The following SLC9A9 variants were observed in gnomAD, a reference collection of about 807,000 sequenced individuals.
SLC9A9 encodes solute carrier family 9 member A9, also known as sodium/hydrogen exchanger 9.
In SLC9A9, 62 loss-of-function variants were observed where a neutral mutation model predicts 77.8. The ratio of observed to expected loss-of-function variants is 0.80; its 90% CI spans 0.65 to 0.98. SLC9A9 has a LOEUF of 0.98. SLC9A9 is among the 50% of genes least tolerant of loss of function. The pLI is 0.00. For synonymous variants in SLC9A9, 320 were observed against 283.5 expected (o/e 1.13, Z -1.29); for missense variants, 775 against 774.9 (o/e 1.00, Z 0.00).
chr3:143,400,811 G>C (rs928440106), intron 12 of SLC9A9, among the ~76,000 whole-genome samples: 1 of 151,574 alleles, frequency 6.6e-6, no homozygotes, highest in Admixed American at 6.6e-5. Flanking sequence ...GCCAAGACTA[G>C]AGTTAGGCAA....
rs140565040 is a variant in SLC9A9 at position 143,468,624 on chromosome 3, T to C, written c.1316-1434A>G. Among the ~76,000 whole-genome samples, 378 of 152,322 alleles carry C rather than the reference T, an allele frequency of 2.5e-3. 1 individual carries two copies. Among genetic ancestry groups the C allele is most frequent in the African/African-American group, 8.5e-3 (353 of 41,580 alleles). ...GGCTGTATATACAAAAGAAACTTTC[T>C]GGGAACAATTACTTTTTAAAAATCA... On this transcript the variant is annotated intron_variant, in intron 11 of 15. Coordinates refer to ENST00000316549, the MANE Select transcript of SLC9A9 (RefSeq NM_173653.4).
At chr3:143,315,650 CA>C (rs2108441283) in intron 14 of SLC9A9, among the ~76,000 whole-genome samples, 1 of 152,272 alleles carries the variant, frequency 6.6e-6, no homozygotes, top group East Asian at 1.9e-4. Context: ...AATCAAGACC[CA>C]GGGGGTTGTA....
chr3:143,451,981 T>TA (rs2035015591), intron 12 of SLC9A9, among the ~76,000 whole-genome samples: 1 of 151,964 alleles, frequency 6.6e-6, no homozygotes. Context: ...ACACATCTAG[T>TA]AAAAATATAG....
rs145110967 is a variant in SLC9A9, at chr3:143,726,394, T to G, written c.534-33087A>C. 7.2e-5 allele frequency among the ~76,000 whole-genome samples: 11 copies of G among 152,246 alleles called. No individual in the cohort carries two copies. The East Asian group carries it at 2.1e-3, about 29-fold the overall frequency. On this transcript the variant is annotated intron_variant, in intron 4 of 15. Transcript: ENST00000316549. ...TGATTGACATGGTATTTAAATGAGATATAAGTTTGTTGGAATGCCTCTAAC... is the reference window on the plus strand; with the variant it reads ...TGATTGACATGGTATTTAAATGAGAGATAAGTTTGTTGGAATGCCTCTAAC...
At chr3:143,807,702 G>A (rs141719416) in intron 2 of SLC9A9, among the ~76,000 whole-genome samples, 184 of 152,298 alleles carry the variant, frequency 1.2e-3, no homozygotes, top group African/African-American at 4.2e-3. Flanking sequence ...CCGAGATGGC[G>A]CCATTGCACT....
chr3:143,691,978 T>C (rs1345170932), intron 5 of SLC9A9, among the ~76,000 whole-genome samples: 3 of 152,064 alleles, frequency 2.0e-5, no homozygotes, highest in Non-Finnish European at 4.4e-5. Flanking sequence ...CCAATCACTA[T>C]TTGCCTCTGG....
chr3:143,805,800 G>A (rs537740639), intron 2 of SLC9A9, among the ~76,000 whole-genome samples: 14 of 151,840 alleles, frequency 9.2e-5, no homozygotes, highest in South Asian at 8.3e-4. Context: ...CCTATAAAAC[G>A]GCCCCACCCC....
chr3:143,706,150 C>T (rs1473769065), intron 4 of SLC9A9, among the ~76,000 whole-genome samples: 2 of 152,180 alleles, frequency 1.3e-5, no homozygotes, highest in African/African-American at 4.8e-5. Flanking sequence ...AAAATCTGTC[C>T]TACCGTAGGT....
At chr3:143,536,687 T>C (rs1177780884) in intron 9 of SLC9A9, among the ~76,000 whole-genome samples, 1 of 152,206 alleles carries the variant, frequency 6.6e-6, no homozygotes, top group East Asian at 1.9e-4. Context: ...GAATACTTAT[T>C]TGGGTAATGT....
chr3:143,796,049 G>A (rs1162026488), intron 3 of SLC9A9, among the ~76,000 whole-genome samples: 1 of 152,184 alleles, frequency 6.6e-6, no homozygotes, highest in African/African-American at 2.4e-5. Flanking sequence ...TAGAGTGGGA[G>A]CTGAGCAGCA....
At chr3:143,419,507 C>T (rs77021496) in intron 12 of SLC9A9, among the ~76,000 whole-genome samples, 6,344 of 152,238 alleles carry the variant, frequency 0.042, 170 homozygotes, top group South Asian at 0.086. Context: ...CTACCTCTAA[C>T]GGTGCTATCT....
chr3:143,707,700 G>A (rs532697027), intron 4 of SLC9A9, among the ~76,000 whole-genome samples: 11 of 152,230 alleles, frequency 7.2e-5, no homozygotes, highest in Admixed American at 3.9e-4. Flanking sequence ...GGAAAACATC[G>A]TGTCTTTCAC....
At chr3:143,691,071 A>T (rs950851232) in intron 5 of SLC9A9, among the ~76,000 whole-genome samples, 1 of 152,104 alleles carries the variant, frequency 6.6e-6, no homozygotes, top group Admixed American at 6.6e-5. Flanking sequence ...AAATTCTAGC[A>T]TCTGATACTT....
intron 14 of SLC9A9, among the ~76,000 whole-genome samples, chr3:143,316,644 G>A (rs558020985): frequency 1.4e-3 from 219 of 152,240 alleles, no homozygotes; most frequent in African/African-American, 5.1e-3. Flanking sequence ...ACGTAAATAT[G>A]AAATAATGCA....
At chr3:143,271,505 T>C (rs1423843100) in intron 14 of SLC9A9, among the ~76,000 whole-genome samples, 1 of 152,242 alleles carries the variant, frequency 6.6e-6, no homozygotes, top group African/African-American at 2.4e-5. Flanking sequence ...TGAGTAATGT[T>C]TTCTGGAGAA....
At chr3:143,425,723 GT>G (rs1314598302) in intron 12 of SLC9A9, among the ~76,000 whole-genome samples, 1 of 152,186 alleles carries the variant, frequency 6.6e-6, no homozygotes. Flanking sequence ...TTCTTTTCCA[GT>G]TAGCTTCGGT....
intron 5 of SLC9A9, among the ~76,000 whole-genome samples, chr3:143,679,977 A>G (rs1933027790): frequency 6.6e-6 from 1 of 152,150 alleles, no homozygotes; most frequent in Non-Finnish European, 1.5e-5. Context: ...AATTTAGATA[A>G]TGGGAAACCT....
intron 8 of SLC9A9, among the ~76,000 whole-genome samples, chr3:143,567,219 T>G (rs2037182992): frequency 6.6e-6 from 1 of 152,156 alleles, no homozygotes; most frequent in Non-Finnish European, 1.5e-5. Flanking sequence ...TAAATTCCTT[T>G]GACTTTAGCA....
At chr3:143,651,442 C>A (rs1433428251) in intron 6 of SLC9A9, among the ~76,000 whole-genome samples, 4 of 152,192 alleles carry the variant, frequency 2.6e-5, no homozygotes, top group Non-Finnish European at 1.5e-5. Context: ...CTTTAACAAT[C>A]TTTTGTTACT....
Sources: gnomAD v4.1 joint callset for allele counts (sites outside exome capture counted in the v4.1 genomes callset) on GRCh38, gnomAD v4.1.1 for gene constraint, MANE v1.5 for transcripts, NCBI Gene and HGNC (gene_info 2026-07-23, HGNC 2026-07-21) for gene names.